TDRD15: variants seen among roughly 807,000 people sequenced by gnomAD.
The protein encoded by TDRD15 is tudor domain containing 15.
For synonymous variants in TDRD15, 503 were observed against 314.5 expected, an observed-to-expected ratio of 1.60 and a Z score of -6.34; for missense variants, 1,416 against 904.7, an observed-to-expected ratio of 1.57 and a Z score of -7.25.
intron 1 of TDRD15, among the ~76,000 whole-genome samples, chr2:21,124,635 C>G (rs1458406195): frequency 3.0e-3 from 173 of 58,036 alleles, no homozygotes; most frequent in African/African-American, 7.7e-3. Context: ...GTGTGTGTGA[C>G]AGAGTGATCC....
intron 1 of TDRD15, among the ~76,000 whole-genome samples, chr2:21,126,306 T>C (rs61517696): frequency 0.095 from 14,455 of 152,174 alleles, 1,925 homozygotes; most frequent in African/African-American, 0.3. Context: ...TCTGCCTCTT[T>C]GTGTTTCAGC....
In TDRD15 at chr2:21,141,638, A is replaced by G. The variant is rs1282595289; in HGVS notation, c.4171A>G (p.Ile1391Val). The change falls in exon 4 of 4, where the codon ATT becomes GTT. Residue 1391 changes from isoleucine (I) to valine (V), a missense_variant. By Grantham distance (29) the Ile-to-Val change is conservative. Coordinates refer to ENST00000405799, the MANE Select transcript of TDRD15 (RefSeq NM_001306137.2). ...CTCTGCAATAGTAAACACATCTAAA[A>G]TTTACGAACTTCAGAGGGAATTTTT... ...GNSAIVNTSK[I>V]YELQREFLTV... 2.8e-6 allele frequency: 2 copies of G among 714,186 alleles called. No individual in the cohort carries two copies. The highest frequency in any genetic ancestry group is 5.2e-6 in the Non-Finnish European group (2 of 383,364). 44.2% of individuals were successfully genotyped at this position (714,186 alleles called of 1,614,324 possible). A position where few individuals can be genotyped will look rare whatever the true frequency, so the allele number is the denominator to read the frequency against.
rs528310479 is a variant in TDRD15 at position 21,142,915 on chromosome 2, C to G, written c.5448C>G (p.Asp1816Glu). The G allele has an allele frequency of 1.4e-6, 1 of 696,244 alleles. No individual in the cohort carries two copies. The highest frequency in any genetic ancestry group is 2.6e-6 in the Non-Finnish European group (1 of 378,580). 43.1% of individuals were successfully genotyped at this position (696,244 alleles called of 1,614,324 possible). ...AGTCTTTATGTCTTGTGTTGGTTGA[C>G]TATGGATTTTCTTTTTATATACGTT... is the stretch of plus-strand genomic sequence containing the variant. ...SPQSLCLVLV[D>E]YGFSFYIRYS... The change falls in exon 4 of 4, where the codon GAC (aspartate) becomes GAG (glutamate). Residue 1816 changes from aspartate (D) to glutamate (E), a missense_variant. Transcript: ENST00000405799.
Position 21,141,889 on chromosome 2 carries a change from A to C in TDRD15, c.4422A>C (p.Lys1474Asn), listed in dbSNP as rs1165755200. ...NELLKWKACS[K>N]LQKSALQMPQ... ...TACTGAAATGGAAAGCATGTTCAAA[A>C]CTGCAGAAGTCAGCATTGCAGATGC... Residue 1474 changes from lysine to asparagine, a missense_variant, in exon 4 of 4, where the codon AAA becomes AAC. Lys to Asn is a moderately conservative substitution (Grantham distance 94). Coordinates refer to ENST00000405799, the MANE Select transcript of TDRD15 (RefSeq NM_001306137.2). 6 of 715,330 alleles carry C rather than the reference A, an allele frequency of 8.4e-6. No individual in the cohort carries two copies. Among genetic ancestry groups the C allele is most frequent in the African/African-American group, 7.0e-5 (4 of 57,160 alleles). The allele number at this position is 715,330 out of a possible 1,614,324, so 44.3% of individuals were successfully genotyped here.
chr2:21,140,138 A>G lies in TDRD15; in HGVS notation c.2671A>G (p.Ile891Val). ...RKAFRDLWNF[I>V]SSSRGLLTCI... ...AGCATTCAGAGACTTGTGGAATTTT[A>G]TCTCTTCATCTAGAGGGTTATTGAC... Residue 891 changes from isoleucine (I) to valine (V), a missense_variant, in exon 4 of 4, where the codon ATC becomes GTC. By Grantham distance (29) the Ile-to-Val change is conservative (BLOSUM62 3). Coordinates refer to ENST00000405799, the MANE Select transcript of TDRD15 (RefSeq NM_001306137.2). The G allele has an allele frequency of 1.4e-6, 1 of 716,002 alleles. No homozygotes were observed. Among genetic ancestry groups the G allele is most frequent in the Non-Finnish European group, 2.6e-6 (1 of 384,040 alleles). 44.4% of individuals were successfully genotyped at this position (716,002 alleles called of 1,614,324 possible).
In TDRD15 at chr2:21,138,783, T is replaced by A; in HGVS notation, c.1316T>A (p.Val439Glu). The change falls in exon 4 of 4, where the codon GTG (valine) becomes GAG (glutamate). Residue 439 changes from valine (V) to glutamate (E), a missense_variant. Physicochemically the swap from Val to Glu is moderately radical, Grantham distance 121. Transcript: ENST00000405799. The stretch of plus-strand genomic sequence containing the variant: ...TCCAATATCTTGAGTGAGACAAGTG[T>A]GTCTGATGTAAACAGCTTTGCAGTT... ...KISNILSETS[V>E]SDVNSFAVES... 1 of 714,994 alleles carries A rather than the reference T, an allele frequency of 1.4e-6. No individual in the cohort carries two copies. The highest frequency in any genetic ancestry group is 2.7e-5 in the East Asian group (1 of 37,240). 44.3% of individuals were successfully genotyped at this position (714,994 alleles called of 1,614,324 possible).
intron 2 of TDRD15, among the ~76,000 whole-genome samples, chr2:21,133,242 CA>C (rs779807916): frequency 5.9e-5 from 9 of 152,128 alleles, no homozygotes; most frequent in Non-Finnish European, 1.2e-4. Flanking sequence ...CTTCAACTTG[CA>C]GTCTTTTGGA....
rs1355927874 is a variant in TDRD15 at position 21,137,940 on chromosome 2, C to G, written c.473C>G (p.Ala158Gly). ...VGIQVKGYVQ[A>G]ILPLQMFLFE... ...ATACAAGTGAAAGGTTATGTGCAAG[C>G]TATTTTACCTCTGCAAATGTTTCTT... The change falls in exon 4 of 4, where the codon GCT (alanine) becomes GGT (glycine). Residue 158 changes from alanine to glycine, a missense_variant. By Grantham distance (60) the Ala-to-Gly change is moderately conservative (BLOSUM62 0). Transcript: ENST00000405799. 4 of 716,714 alleles carry G rather than the reference C, an allele frequency of 5.6e-6. No individual in the cohort carries two copies. The highest frequency in any genetic ancestry group is 1.7e-5 in the African/African-American group (1 of 57,144). 44.4% of individuals were successfully genotyped at this position (716,714 alleles called of 1,614,324 possible).
At chr2:21,126,444 G>T (rs1305195727) in intron 1 of TDRD15, among the ~76,000 whole-genome samples, 1 of 151,446 alleles carries the variant, frequency 6.6e-6, no homozygotes, top group African/African-American at 2.4e-5. Flanking sequence ...TCGTCTCGCC[G>T]CAATCTCTGC....
chr2:21,127,946 G>A (rs552276808), intron 2 of TDRD15, among the ~76,000 whole-genome samples: 8 of 151,982 alleles, frequency 5.3e-5, no homozygotes, highest in Non-Finnish European at 8.8e-5. Flanking sequence ...GTGTTTTATA[G>A]TTTTAATTTT....
intron 2 of TDRD15, among the ~76,000 whole-genome samples, chr2:21,130,164 C>T (rs1665689110): frequency 1.3e-5 from 2 of 152,198 alleles, no homozygotes; most frequent in Non-Finnish European, 2.9e-5. Flanking sequence ...AACATTTAAA[C>T]CATAGTAGTC....
rs1331249597 is a variant in TDRD15, at chr2:21,137,545, T to C, written c.78T>C (p.Asp26=). ...CACATATTAAATGTCTTCCCAAGGA[T>C]ATTCTGGTGAAATTTCAAGGCATAA... ...TISHIKCLPK[D]ILVKFQGIKS... Residue 26 remains aspartate (D), a synonymous_variant, in exon 4 of 4, where the codon GAT becomes GAC. Coordinates refer to ENST00000405799, the MANE Select transcript of TDRD15 (RefSeq NM_001306137.2). The C allele has an allele frequency of 5.6e-6, 4 of 713,142 alleles. No individual in the cohort carries two copies. The highest frequency in any genetic ancestry group is 1.0e-5 in the Non-Finnish European group (4 of 383,514). The allele number at this position is 713,142 out of a possible 1,614,324, so 44.2% of individuals were successfully genotyped here.
chr2:21,140,272 T>G lies in TDRD15; in HGVS notation c.2805T>G (p.Ser935=), dbSNP rs1315918691. 2 of 715,364 alleles carry G rather than the reference T, an allele frequency of 2.8e-6. No homozygotes were observed. Among genetic ancestry groups the G allele is most frequent in the Non-Finnish European group, 5.2e-6 (2 of 383,822 alleles). 44.3% of individuals were successfully genotyped at this position (715,364 alleles called of 1,614,324 possible). The change falls in exon 4 of 4, where the codon TCT becomes TCG. Residue 935 remains serine, a synonymous_variant. Transcript: ENST00000405799. ...AAGAATTTCTTATGAATCGTGGCTC[T>G]GCTCAGTATATCACATTATCAGAGA... The part of the protein sequence containing the change: ...SAKEFLMNRG[S]AQYITLSETF...
rs568503099 is a variant in TDRD15 at position 21,143,472 on chromosome 2, T to G, written c.*200T>G. Among the ~76,000 whole-genome samples the G allele has an allele frequency of 7.2e-5, 11 of 151,744 alleles. No individual in the cohort carries two copies. Among genetic ancestry groups the G allele is most frequent in the Middle Eastern group, 6.8e-3 (2 of 294 alleles). On this transcript the variant is annotated 3_prime_UTR_variant, in exon 4 of 4. Coordinates refer to ENST00000405799, the MANE Select transcript of TDRD15 (RefSeq NM_001306137.2). ...TAACAGTGAGAAAGAAAGTTGGTAG[T>G]GGAAAACATTTCCAGAGTACCATTT... is the stretch of plus-strand genomic sequence containing the variant.
rs1374674249 is a variant in TDRD15 at position 21,137,993 on chromosome 2, G to T, written c.526G>T (p.Ala176Ser). ...TGAAGTGCCAAAAATTATATCTCAG[G>T]CTCTCGAGTTACAATTAGGAAGACT... ...LFEVPKIISQ[A>S]LELQLGRLVD... The change falls in exon 4 of 4, where the codon GCT (alanine) becomes TCT (serine). Residue 176 changes from alanine to serine, a missense_variant. Transcript: ENST00000405799. The T allele has an allele frequency of 2.8e-6, 2 of 716,696 alleles. No homozygotes were observed. The highest frequency in any genetic ancestry group is 5.2e-6 in the Non-Finnish European group (2 of 384,500). The allele number at this position is 716,696 out of a possible 1,614,324, so 44.4% of individuals were successfully genotyped here.
intron 1 of TDRD15, among the ~76,000 whole-genome samples, 173 bp from the exon 2 acceptor site, chr2:21,127,428 T>G (rs1197436913): frequency 6.6e-6 from 1 of 152,248 alleles, no homozygotes; most frequent in African/African-American, 2.4e-5. Context: ...CTGAGAAGTT[T>G]TATACATTTA....
chr2:21,132,811 C>T (rs975587139), intron 2 of TDRD15, among the ~76,000 whole-genome samples: 2 of 152,008 alleles, frequency 1.3e-5, no homozygotes, highest in South Asian at 2.1e-4. Flanking sequence ...GTTCTTTTAT[C>T]TACCTGGTAT....
intron 2 of TDRD15, among the ~76,000 whole-genome samples, chr2:21,130,741 A>C (rs1408492854): frequency 6.6e-6 from 1 of 152,112 alleles, no homozygotes; most frequent in Admixed American, 6.5e-5. Context: ...GGTGGATAAA[A>C]CTGCTGGCAC....
Position 21,141,494 on chromosome 2 carries a change from C to A in TDRD15, c.4027C>A (p.Pro1343Thr). 2.8e-6 allele frequency: 2 copies of A among 715,084 alleles called. No individual in the cohort carries two copies. The highest frequency in any genetic ancestry group is 5.2e-6 in the Non-Finnish European group (2 of 383,682). 44.3% of individuals were successfully genotyped at this position (715,084 alleles called of 1,614,324 possible). A position where few individuals can be genotyped will look rare whatever the true frequency, so the allele number is the denominator to read the frequency against. Residue 1343 changes from proline (P) to threonine (T), a missense_variant, in exon 4 of 4, where the codon CCT becomes ACT. Physicochemically the swap from Pro to Thr is conservative, Grantham distance 38. Coordinates refer to ENST00000405799, the MANE Select transcript of TDRD15 (RefSeq NM_001306137.2). ...ATTGAGAGAGAGAAAATCAGTTAAA[C>A]CTCTAGTGGGAGATCTTGTAGTTGC... The part of the protein sequence containing the change: ...RRLRERKSVK[P>T]LVGDLVVAEY...
Sources: allele counts gnomAD v4.1 joint callset (sites outside exome capture counted in the v4.1 genomes callset), GRCh38; gene constraint gnomAD v4.1.1; transcripts MANE v1.5; gene names NCBI Gene and HGNC (gene_info 2026-07-23, HGNC 2026-07-21).